Variants in RPSA2 observed in about 807,000 individuals in gnomAD.
RPSA2 encodes the protein small ribosomal subunit protein uS2B.
At chr19:23,828,212 T>A in the RPSA2 span, among the ~76,000 whole-genome samples, 1 of 151,736 alleles carries the variant, frequency 6.6e-6, no homozygotes, top group African/African-American at 2.4e-5. Context: ...TGCTGCATTC[T>A]ATTTTATTAG....
At chr19:23,860,907 CACACTTA>C in the RPSA2 span, among the ~76,000 whole-genome samples, 1 of 152,128 alleles carries the variant, frequency 6.6e-6, no homozygotes. Flanking sequence ...CTTGCTCAGG[CACACTTA>C]TAAAAGAAAC....
the RPSA2 span, among the ~76,000 whole-genome samples, chr19:23,771,012 T>G: frequency 6.6e-6 from 1 of 152,196 alleles, no homozygotes; most frequent in African/African-American, 2.4e-5. Context: ...ATAGCCAGGG[T>G]CAGGAAAATG....
chr19:23,782,292 G>C, the RPSA2 span: 1 of 152,134 alleles, frequency 6.6e-6, no homozygotes, highest in East Asian at 1.9e-4. Context: ...TTAAGGTTCT[G>C]CTTAGAAAAG....
the RPSA2 span, among the ~76,000 whole-genome samples, chr19:23,824,966 GTTTTGTTTTTGT>G: frequency 1.8e-4 from 27 of 150,470 alleles, no homozygotes; most frequent in East Asian, 3.7e-3. Flanking sequence ...TGTTTGTTTT[GTTTTGTTTTTGT>G]TTTTGTTTTT....
the RPSA2 span, chr19:23,831,766 A>G: frequency 3.5e-6 from 1 of 288,076 alleles, no homozygotes; most frequent in South Asian, 4.5e-5. Flanking sequence ...GTTATAATGG[A>G]CTTAACAAGT....
chr19:23,858,195 T>A, the RPSA2 span, among the ~76,000 whole-genome samples: 5 of 147,602 alleles, frequency 3.4e-5, no homozygotes, highest in Admixed American at 3.5e-4. Context: ...AAAACAATTA[T>A]TTTTTCTTTG....
At chr19:23,795,375 A>G in the RPSA2 span, among the ~76,000 whole-genome samples, 1 of 151,926 alleles carries the variant, frequency 6.6e-6, no homozygotes. Flanking sequence ...AATTCTTATC[A>G]TAGAGATCTT....
the RPSA2 span, among the ~76,000 whole-genome samples, chr19:23,834,812 G>T: frequency 6.6e-6 from 1 of 151,842 alleles, no homozygotes; most frequent in Non-Finnish European, 1.5e-5. Flanking sequence ...TAAGATAATG[G>T]ACTGACATCA....
chr19:23,795,216 A>ATTTTT, the RPSA2 span, among the ~76,000 whole-genome samples: 1 of 145,832 alleles, frequency 6.9e-6, no homozygotes, highest in Non-Finnish European at 1.5e-5. Flanking sequence ...AGTTAAAGAT[A>ATTTTT]TTTTGGTCAT....
chr19:23,780,423 C>T, the RPSA2 span, among the ~76,000 whole-genome samples: 1 of 152,218 alleles, frequency 6.6e-6, no homozygotes, highest in South Asian at 2.1e-4. Flanking sequence ...GTGGGCGGAT[C>T]ACAAGGTCAG....
the RPSA2 span, among the ~76,000 whole-genome samples, chr19:23,759,522 G>GTTTTTTCTTTTTTT: frequency 1.1e-5 from 1 of 89,034 alleles, no homozygotes; most frequent in Non-Finnish European, 2.0e-5. Flanking sequence ...TATATATCAG[G>GTTTTTTCTTTTTTT]TTTTTTTTTT....
the RPSA2 span, among the ~76,000 whole-genome samples, chr19:23,812,964 C>T: frequency 6.6e-6 from 1 of 152,008 alleles, no homozygotes; most frequent in East Asian, 1.9e-4. Flanking sequence ...AGTGGTGGCT[C>T]ACATCTGTAA....
the RPSA2 span, among the ~76,000 whole-genome samples, chr19:23,859,286 C>G: frequency 4.6e-5 from 7 of 152,092 alleles, no homozygotes; most frequent in African/African-American, 1.7e-4. Flanking sequence ...ATTCTTGTTT[C>G]CCTACACTTA....
chr19:23,832,651 G>A, the RPSA2 span: 2 of 1,466,772 alleles, frequency 1.4e-6, no homozygotes, highest in Non-Finnish European at 1.8e-6. Flanking sequence ...TGAAGAAGGT[G>A]GCAAAGCATT....
chr19:23,788,474 A>G, the RPSA2 span, among the ~76,000 whole-genome samples: 1 of 151,824 alleles, frequency 6.6e-6, no homozygotes, highest in African/African-American at 2.4e-5. Flanking sequence ...ATGTGATGGG[A>G]CTCTTTTCTC....
the RPSA2 span, among the ~76,000 whole-genome samples, chr19:23,837,720 A>G: frequency 3.3e-5 from 5 of 152,020 alleles, no homozygotes; most frequent in Non-Finnish European, 7.4e-5. Flanking sequence ...AGCTATTGTA[A>G]AAGGGGATGA....
chr19:23,776,602 G>A, the RPSA2 span, among the ~76,000 whole-genome samples: 2 of 152,168 alleles, frequency 1.3e-5, no homozygotes, highest in African/African-American at 2.4e-5. Context: ...CCCAGGTGAT[G>A]TGACTCCCTT....
the RPSA2 span, among the ~76,000 whole-genome samples, chr19:23,792,434 A>G: frequency 6.6e-6 from 1 of 152,158 alleles, no homozygotes; most frequent in African/African-American, 2.4e-5. Flanking sequence ...GGTTAATATA[A>G]AGGAGATTGG....
chr19:23,837,003 T>A, the RPSA2 span, among the ~76,000 whole-genome samples: 2 of 152,166 alleles, frequency 1.3e-5, no homozygotes, highest in African/African-American at 4.8e-5. Context: ...CCCAGCTGTT[T>A]ATCTTTGTTT....
Sources: allele counts gnomAD v4.1 joint callset (sites outside exome capture counted in the v4.1 genomes callset), GRCh38; gene constraint gnomAD v4.1.1; transcripts MANE v1.5; gene names NCBI Gene and HGNC (gene_info 2026-07-23, HGNC 2026-07-21).